Variants in CSMD1 observed in about 807,000 individuals in gnomAD.
CSMD1 encodes CUB and Sushi multiple domains 1, also known as CUB and sushi domain-containing protein 1.
In CSMD1, 213 loss-of-function variants were observed where a neutral mutation model predicts 417.5. That is an observed-to-expected ratio of 0.51 (90% CI 0.46 to 0.57). The LOEUF (loss-of-function observed/expected upper bound fraction) is 0.57. Among genes scored for constraint, CSMD1 ranks in the 20% least tolerant of loss-of-function variants. The pLI is 0.00. For synonymous variants in CSMD1, 2,862 were observed against 1,736.8 expected (o/e 1.65, Z -16.11); for missense variants, 6,923 against 4,529.7 (o/e 1.53, Z -15.17).
intron 3 of CSMD1, among the ~76,000 whole-genome samples, chr8:4,397,332 A>T (rs935887721): frequency 1.3e-5 from 2 of 152,162 alleles, no homozygotes; most frequent in Non-Finnish European, 2.9e-5. Context: ...TATTCAACTG[A>T]AGATTATCTT....
rs531199106 is a variant in CSMD1 at position 4,033,246 on chromosome 8, C to T, written c.416-1147G>A. On this transcript the variant is annotated intron_variant, in intron 3 of 69. Transcript: ENST00000635120. ...GTGAGGTCAAGAGATCGAGACCATC[C>T]TGGCTAACACGGTGAAACCCTGTCT... 4.6e-5 allele frequency among the ~76,000 whole-genome samples: 7 copies of T among 151,606 alleles called. No individual in the cohort carries two copies. The South Asian group carries it at 1.5e-3, about 32-fold the overall frequency.
chr8:3,656,506 A>T (rs760154084), intron 7 of CSMD1, among the ~76,000 whole-genome samples: 1 of 152,224 alleles, frequency 6.6e-6, no homozygotes, highest in Non-Finnish European at 1.5e-5. Flanking sequence ...GCAATAGTGC[A>T]GTCCTCAGTC....
intron 12 of CSMD1, among the ~76,000 whole-genome samples, chr8:3,440,102 A>G (rs79368594): frequency 0.029 from 4,384 of 152,186 alleles, 82 homozygotes; most frequent in Non-Finnish European, 0.043. Context: ...TTCCCACTCA[A>G]TTTTGTTCTT....
In CSMD1 at chr8:4,536,288, A is replaced by T. The variant is rs73661512; in HGVS notation, c.302+101054T>A. ...ATAAAATCTACAAACATGTTCTATT[A>T]AAAAAAATCTAGTTTTCTCCCTGTT... On this transcript the variant is annotated intron_variant, in intron 2 of 69. Transcript: ENST00000635120. Among the ~76,000 whole-genome samples, 343 of 152,198 alleles carry T rather than the reference A, an allele frequency of 2.3e-3. 6 individuals carry two copies. Among genetic ancestry groups the T allele is most frequent in the African/African-American group, 7.6e-3 (315 of 41,526 alleles).
chr8:3,057,177 C>T (rs1045023826), intron 49 of CSMD1, among the ~76,000 whole-genome samples: 4 of 152,160 alleles, frequency 2.6e-5, no homozygotes, highest in South Asian at 2.1e-4. Context: ...CACACACACA[C>T]GTGGTAAATA....
intron 48 of CSMD1, among the ~76,000 whole-genome samples, chr8:3,090,437 A>C (rs1175916894): frequency 6.6e-6 from 1 of 150,568 alleles, no homozygotes; most frequent in Non-Finnish European, 1.5e-5. Flanking sequence ...AGTATATTTT[A>C]TTAAACCTTC....
At chr8:4,668,927 T>A (rs939028142) in intron 1 of CSMD1, among the ~76,000 whole-genome samples, 12 of 152,212 alleles carry the variant, frequency 7.9e-5, no homozygotes, top group Non-Finnish European at 1.6e-4. Context: ...TTATTCTCTT[T>A]TTCTAATTCA....
Position 4,944,655 on chromosome 8 carries a change from T to C in CSMD1, c.85+49677A>G, listed in dbSNP as rs76926716. 5.9e-3 allele frequency among the ~76,000 whole-genome samples: 902 copies of C among 152,304 alleles called. 3 individuals are homozygous for C. Among genetic ancestry groups the C allele is most frequent in the South Asian group, 9.9e-3 (48 of 4,828 alleles). On this transcript the variant is annotated intron_variant, in intron 1 of 69. Transcript: ENST00000635120. ...AACAAGCATATGAAGAGATGTTCGA[T>C]ATTATTGATCATTAGAGGAATGCAA...
chr8:3,375,737 G>A (rs1810265971), intron 18 of CSMD1, among the ~76,000 whole-genome samples: 1 of 152,042 alleles, frequency 6.6e-6, no homozygotes, highest in African/African-American at 2.4e-5. Flanking sequence ...GAAAAACCCT[G>A]GGGTCCTCAC....
chr8:4,524,502 T>G (rs1398752679), intron 2 of CSMD1, among the ~76,000 whole-genome samples: 2 of 151,296 alleles, frequency 1.3e-5, no homozygotes, highest in Non-Finnish European at 2.9e-5. Flanking sequence ...ACGGGATATG[T>G]GATGGGAAAA....
At chr8:4,917,303 A>G (rs1317912321) in intron 1 of CSMD1, among the ~76,000 whole-genome samples, 2 of 152,180 alleles carry the variant, frequency 1.3e-5, no homozygotes, top group Admixed American at 6.5e-5. Context: ...ATCACCTCCA[A>G]TCAGGCCCCA....
chr8:3,714,119 G>T (rs183107180), intron 6 of CSMD1, among the ~76,000 whole-genome samples: 4 of 149,790 alleles, frequency 2.7e-5, no homozygotes, highest in Admixed American at 2.0e-4. Context: ...TAAAATATAA[G>T]TATATAACAT....
At chr8:3,713,051 C>T (rs1233226298) in intron 6 of CSMD1, among the ~76,000 whole-genome samples, 1 of 151,932 alleles carries the variant, frequency 6.6e-6, no homozygotes, top group African/African-American at 2.4e-5. Flanking sequence ...TCCCCAAAAG[C>T]AACAAACAAA....
intron 2 of CSMD1, among the ~76,000 whole-genome samples, chr8:4,619,962 A>T (rs1390713648): frequency 6.6e-6 from 1 of 152,144 alleles, no homozygotes; most frequent in Non-Finnish European, 1.5e-5. Context: ...CTGAAGAATT[A>T]GCATAGTGTT....
chr8:4,700,495 A>T (rs1377336087), intron 1 of CSMD1, among the ~76,000 whole-genome samples: 1 of 152,182 alleles, frequency 6.6e-6, no homozygotes, highest in African/African-American at 2.4e-5. Context: ...AAACTATAAA[A>T]CTATGCATGT....
At position 2,973,195 on chromosome 8, in the gene CSMD1, C is replaced by G; in HGVS notation, c.8845G>C (p.Gly2949Arg). 1.2e-6 allele frequency: 2 copies of G among 1,613,856 alleles called. No homozygotes were observed. Among genetic ancestry groups the G allele is most frequent in the Non-Finnish European group, 1.7e-6 (2 of 1,179,796 alleles). ...TCAGGGGAGCCCCTCAGCTGGTGCC[C>G]CATTTCACAGGAGAAGCGGAGAAGA... ...KSLLRFSCEMGHQLRGSPERT... is the reference protein window; with the variant it reads ...KSLLRFSCEMRHQLRGSPERT... The change falls in exon 57 of 70, where the codon GGG becomes CGG. Residue 2949 changes from glycine to arginine, a missense_variant. Physicochemically the swap from Gly to Arg is moderately radical, Grantham distance 125 (BLOSUM62 -2). Coordinates refer to ENST00000635120, the MANE Select transcript of CSMD1 (RefSeq NM_033225.6).
intron 3 of CSMD1, among the ~76,000 whole-genome samples, chr8:4,276,363 C>T (rs940647426): frequency 2.6e-5 from 4 of 152,136 alleles, no homozygotes; most frequent in Non-Finnish European, 5.9e-5. Context: ...TGTCAGCAAA[C>T]TATCACAAGA....
chr8:4,543,231 T>A (rs1485952745), intron 2 of CSMD1, among the ~76,000 whole-genome samples: 1 of 152,152 alleles, frequency 6.6e-6, no homozygotes, highest in Non-Finnish European at 1.5e-5. Flanking sequence ...AAGTCATGCA[T>A]CCACCATTAC....
chr8:4,130,632 C>T (rs965948167), intron 3 of CSMD1, among the ~76,000 whole-genome samples: 5 of 151,986 alleles, frequency 3.3e-5, no homozygotes, highest in South Asian at 4.1e-4. Context: ...TTAATTTGTC[C>T]TTGTGAACTT....
Sources: allele counts gnomAD v4.1 joint callset (sites outside exome capture counted in the v4.1 genomes callset), GRCh38; gene constraint gnomAD v4.1.1; transcripts MANE v1.5; gene names NCBI Gene and HGNC (gene_info 2026-07-23, HGNC 2026-07-21).